The following NAA35 variants were observed in gnomAD, a reference collection of about 807,000 sequenced individuals.
NAA35 encodes N-alpha-acetyltransferase 35, NatC auxiliary subunit, also known as MAK10 homolog, amino-acid N-acetyltransferase subunit.
Under a neutral mutation model 101.7 loss-of-function variants are expected in NAA35, and 18 were observed. The ratio of observed to expected loss-of-function variants is 0.18; its 90% CI spans 0.12 to 0.26. The LOEUF is 0.26. Among genes scored for constraint, NAA35 ranks in the 10% least tolerant of loss-of-function variants. The pLI is 1.00. For synonymous variants in NAA35, 267 were observed against 273.1 expected (o/e 0.98, Z 0.22); for missense variants, 601 against 886.8 (o/e 0.68, Z 4.09).
intron 2 of NAA35, among the ~76,000 whole-genome samples, chr9:85,951,400 G>A (rs1829014708): frequency 6.6e-6 from 1 of 152,064 alleles, no homozygotes; most frequent in Non-Finnish European, 1.5e-5. Flanking sequence ...TGAAAAATGG[G>A]GGAATCTTCA....
chr9:85,941,614 C>T (rs1162317308), intron 1 of NAA35: 2 of 986,028 alleles, frequency 2.0e-6, no homozygotes, highest in Middle Eastern at 5.2e-4. Flanking sequence ...AGGTGTGCCT[C>T]GGCCCTAGGC....
At position 85,995,666 on chromosome 9, in the gene NAA35, G is replaced by A. The variant is rs928559988; in HGVS notation, c.878-733G>A. On this transcript the variant is annotated intron_variant, in intron 11 of 22. Transcript: ENST00000361671. ...TTTTTTCTTAGGTTGTGGCCAGTTTGTAGACTAGCAGGAGAACTTTGAATA... is the reference window on the plus strand; with the variant it reads ...TTTTTTCTTAGGTTGTGGCCAGTTTATAGACTAGCAGGAGAACTTTGAATA... Among the ~76,000 whole-genome samples the A allele has an allele frequency of 4.6e-5, 7 of 152,222 alleles. No homozygotes were observed. In the East Asian group the frequency reaches 1.3e-3, roughly 29 times the overall value.
intron 15 of NAA35, among the ~76,000 whole-genome samples, chr9:86,011,561 G>T (rs1831920042): frequency 6.6e-6 from 1 of 150,996 alleles, no homozygotes; most frequent in East Asian, 2.0e-4. Flanking sequence ...GGTTCACCCT[G>T]TTGGCCAGGC....
At chr9:86,016,796 C>A in intron 18 of NAA35, 121 bp downstream of exon 18, 1 of 989,082 alleles carries the variant, frequency 1.0e-6, no homozygotes, top group Non-Finnish European at 1.5e-6. Flanking sequence ...TTTTCAGAAA[C>A]TATAAGGTAG....
At chr9:86,017,657 T>A (rs950757573) in intron 19 of NAA35, 92 bp downstream of exon 19, 11 of 1,044,646 alleles carry the variant, frequency 1.1e-5, no homozygotes, top group Non-Finnish European at 1.4e-5. Flanking sequence ...CTTTCCATAT[T>A]ATAATTTCAC....
At chr9:86,002,429 C>T (rs913245697) in intron 12 of NAA35, among the ~76,000 whole-genome samples, 4 of 152,206 alleles carry the variant, frequency 2.6e-5, no homozygotes, top group African/African-American at 7.2e-5. Flanking sequence ...GAAGTTTTCA[C>T]GAACAATACC....
chr9:86,010,661 G>A (rs1457884993), intron 15 of NAA35, among the ~76,000 whole-genome samples: 7 of 143,682 alleles, frequency 4.9e-5, no homozygotes, highest in Admixed American at 3.6e-4. Flanking sequence ...TGCAAGCTCC[G>A]CCTCCCGGGT....
intron 6 of NAA35, among the ~76,000 whole-genome samples, chr9:85,963,170 T>C (rs763544070): frequency 4.6e-5 from 7 of 152,064 alleles, no homozygotes; most frequent in Non-Finnish European, 8.8e-5. Flanking sequence ...AGTGGTTCAG[T>C]GTATAATATG....
intron 6 of NAA35, among the ~76,000 whole-genome samples, chr9:85,974,140 G>A (rs1278279580): frequency 6.6e-6 from 1 of 151,970 alleles, no homozygotes; most frequent in African/African-American, 2.4e-5. Context: ...TGTATTTTTA[G>A]TATAGACGGG....
chr9:85,978,048 C>T (rs1587607453), intron 10 of NAA35, among the ~76,000 whole-genome samples: 1 of 149,586 alleles, frequency 6.7e-6, no homozygotes, highest in African/African-American at 2.5e-5. Flanking sequence ...AAAATATTTT[C>T]TATTATTTTA....
chr9:85,942,123 T>A, intron 1 of NAA35, 32 bp from the exon 2 acceptor site: 4 of 1,599,120 alleles, frequency 2.5e-6, no homozygotes, highest in Non-Finnish European at 3.4e-6. Context: ...GAAAGCTACA[T>A]CCTCTCTCTT....
intron 11 of NAA35, among the ~76,000 whole-genome samples, chr9:85,979,500 A>T (rs768968763): frequency 6.6e-5 from 10 of 152,224 alleles, no homozygotes; most frequent in Non-Finnish European, 1.0e-4. Flanking sequence ...AGCTAAGAAC[A>T]TAAAGTACAT....
At chr9:86,018,563 G>T in intron 20 of NAA35, 136 bp from the exon 21 acceptor site, 1 of 1,318,842 alleles carries the variant, frequency 7.6e-7, no homozygotes, top group Non-Finnish European at 1.0e-6. Context: ...GAAAAAATAG[G>T]GAGATGTGCT....
intron 13 of NAA35, 74 bp from the exon 14 acceptor site, chr9:86,007,283 TA>T (rs1201436783): frequency 7.5e-6 from 8 of 1,066,202 alleles, no homozygotes; most frequent in East Asian, 4.9e-5. Context: ...CTGTGGCATT[TA>T]TAAGTATACT....
At chr9:85,948,044 G>A (rs1343176948) in intron 2 of NAA35, among the ~76,000 whole-genome samples, 2 of 152,102 alleles carry the variant, frequency 1.3e-5, no homozygotes, top group Non-Finnish European at 2.9e-5. Flanking sequence ...AAGACACTGC[G>A]TTCCTCCTTT....
At chr9:85,972,254 C>T (rs1348006192) in intron 6 of NAA35, among the ~76,000 whole-genome samples, 2 of 151,688 alleles carry the variant, frequency 1.3e-5, no homozygotes, top group Non-Finnish European at 2.9e-5. Flanking sequence ...ACCTGTAATC[C>T]CAGCACTTTG....
chr9:86,019,937 A>G (rs1159576484), intron 21 of NAA35, among the ~76,000 whole-genome samples: 3 of 152,220 alleles, frequency 2.0e-5, no homozygotes, highest in Non-Finnish European at 4.4e-5. Context: ...GGACTAATAA[A>G]TTATGATACA....
At chr9:85,942,981 AC>A (rs1442142533) in intron 2 of NAA35, among the ~76,000 whole-genome samples, 2 of 152,044 alleles carry the variant, frequency 1.3e-5, no homozygotes, top group African/African-American at 4.8e-5. Flanking sequence ...TTTTCTTCAT[AC>A]AGCTTATCTT....
At chr9:86,014,000 T>C (rs1832078878) in intron 17 of NAA35, 103 bp downstream of exon 17, 2 of 984,452 alleles carry the variant, frequency 2.0e-6, no homozygotes, top group Non-Finnish European at 2.9e-6. Flanking sequence ...ATATTTTATC[T>C]TTAGTTGTGG....
Sources: allele counts gnomAD v4.1 joint callset (sites outside exome capture counted in the v4.1 genomes callset), GRCh38; gene constraint gnomAD v4.1.1; transcripts MANE v1.5; gene names NCBI Gene and HGNC (gene_info 2026-07-23, HGNC 2026-07-21).